Variants in RHD observed in about 807,000 individuals in gnomAD.
RHD encodes Rh blood group D antigen, also known as blood group Rh(D) polypeptide.
RHD carries 16 observed loss-of-function variants against 45.5 expected under a neutral mutation model. That is an observed-to-expected ratio of 0.35 (90% confidence interval 0.24 to 0.53). RHD has a LOEUF of 0.53. Ranked by LOEUF, RHD falls within the 20% of genes least tolerant of loss-of-function variation. The pLI is 0.92. For missense variants in RHD, 306 were observed against 532.0 expected, an observed-to-expected ratio of 0.58 and a Z score of 4.18; for synonymous variants, 131 against 217.5, an observed-to-expected ratio of 0.60 and a Z score of 3.50.
intron 1 of RHD, among the ~76,000 whole-genome samples, chr1:25,278,175 G>T (rs1312053568): frequency 7.7e-6 from 1 of 129,748 alleles, no homozygotes; most frequent in African/African-American, 2.6e-5. Context: ...TAGGAGATAA[G>T]TCAGCTGTAC....
intron 3 of RHD, among the ~76,000 whole-genome samples, chr1:25,300,511 C>A (rs1643301290): frequency 2.1e-5 from 2 of 96,520 alleles, no homozygotes; most frequent in African/African-American, 7.0e-5. Context: ...GACTCTGTCT[C>A]AAAAAAAAAA....
chr1:25,297,563 A>G lies in RHD; in HGVS notation c.487-3383A>G, dbSNP rs1280408594. Reference sequence around the variant, plus strand: ...AATAATTGCCAATGGTGGTTTTCTAATTCCATCTTTCCTTCAGTAGTTGGC... The same window carrying G: ...AATAATTGCCAATGGTGGTTTTCTAGTTCCATCTTTCCTTCAGTAGTTGGC... On this transcript the variant is annotated intron_variant, in intron 3 of 9. Coordinates refer to ENST00000328664, the MANE Select transcript of RHD (RefSeq NM_016124.6). 3.2e-4 allele frequency among the ~76,000 whole-genome samples: 42 copies of G among 130,194 alleles called. 8 individuals are homozygous for G. Among genetic ancestry groups the G allele is most frequent in the African/African-American group, 1.1e-3 (41 of 37,826 alleles). The allele number at this position is 130,194 out of a possible 152,430, so 85.4% of individuals were successfully genotyped here. A position where few individuals can be genotyped will look rare whatever the true frequency, so the allele number is the denominator to read the frequency against.
chr1:25,307,462 G>T (rs1643908868), intron 7 of RHD, among the ~76,000 whole-genome samples: 1 of 132,494 alleles, frequency 7.5e-6, no homozygotes, highest in Non-Finnish European at 1.8e-5. Context: ...TTTTAGAGAT[G>T]AACTGGTAGC....
At chr1:25,318,189 T>C (rs983088989) in intron 8 of RHD, 1 of 126,816 alleles carries the variant, frequency 7.9e-6, no homozygotes, top group Non-Finnish European at 1.9e-5. Context: ...AGGCGTGGTG[T>C]TGGATCCCAG....
At chr1:25,299,190 TG>T (rs1451827668) in intron 3 of RHD, among the ~76,000 whole-genome samples, 1 of 127,016 alleles carries the variant, frequency 7.9e-6, no homozygotes, top group East Asian at 2.0e-4. Flanking sequence ...GAGACCAGGC[TG>T]GGGAACATGG....
In RHD at chr1:25,301,028, C is replaced by G; in HGVS notation, c.569C>G (p.Pro190Arg). 1 of 1,377,628 alleles carries G rather than the reference C, an allele frequency of 7.3e-7. No homozygotes were observed. Among genetic ancestry groups the G allele is most frequent in the Non-Finnish European group, 1.0e-6 (1 of 978,736 alleles). 85.3% of individuals were successfully genotyped at this position (1,377,628 alleles called of 1,614,324 possible). ...TCTGTGGCCTGGTGCCTGCCAAAGC[C>G]TCTACCCGAGGGAACGGAGGATAAA... is the stretch of plus-strand genomic sequence containing the variant. Reference protein sequence around the residue: ...GLSVAWCLPKPLPEGTEDKDQ... With the variant: ...GLSVAWCLPKRLPEGTEDKDQ... Residue 190 changes from proline (P) to arginine (R), a missense_variant, in exon 4 of 10, where the codon CCT (proline) becomes CGT (arginine). Physicochemically the swap from Pro to Arg is moderately radical, Grantham distance 103 (BLOSUM62 -2). Coordinates refer to ENST00000328664, the MANE Select transcript of RHD (RefSeq NM_016124.6).
chr1:25,307,799 G>C (rs1381462667), intron 7 of RHD: 1 of 1,300,266 alleles, frequency 7.7e-7, no homozygotes, highest in Non-Finnish European at 1.1e-6. Context: ...CCAAATTATA[G>C]GGATCACATA....
chr1:25,320,110 C>T (rs1644618769), intron 8 of RHD, among the ~76,000 whole-genome samples: 1 of 131,246 alleles, frequency 7.6e-6, no homozygotes, highest in African/African-American at 2.6e-5. Flanking sequence ...GTTGGTCATG[C>T]TGGTCTCGAA....
rs554168517 is a variant in RHD at position 25,287,369 on chromosome 1, G to C, written c.335+2610G>C. Among the ~76,000 whole-genome samples the C allele has an allele frequency of 1.5e-5, 2 of 135,364 alleles. 1 individual carries two copies. The highest frequency in any genetic ancestry group is 5.1e-5 in the African/African-American group (2 of 39,238). The allele number at this position is 135,364 out of a possible 152,430, so 88.8% of individuals were successfully genotyped here. ...TTGACTCAATCTAGAAAGACGAGAA[G>C]GGAGAGAAGTCACTCGCAGCCTGAG... On this transcript the variant is annotated intron_variant, in intron 2 of 9. Coordinates refer to ENST00000328664, the MANE Select transcript of RHD (RefSeq NM_016124.6).
rs2124121031 is a variant in RHD at position 25,318,963 on chromosome 1, A to C, written c.1153+1884A>C. Among the ~76,000 whole-genome samples, 2 of 133,272 alleles carry C rather than the reference A, an allele frequency of 1.5e-5. 1 individual carries two copies. The highest frequency in any genetic ancestry group is 5.1e-5 in the African/African-American group (2 of 39,188). 87.4% of individuals were successfully genotyped at this position (133,272 alleles called of 152,430 possible). On this transcript the variant is annotated intron_variant, in intron 8 of 9. Coordinates refer to ENST00000328664, the MANE Select transcript of RHD (RefSeq NM_016124.6). ...TTGCAGAGTCTTTGTGAAGAAGCAG[A>C]GGCGGAGTAGCGTTAATTCCGTAAG...
At chr1:25,284,857 T>C in intron 2 of RHD, 98 bp downstream of exon 2, 12 of 1,177,826 alleles carry the variant, frequency 1.0e-5, no homozygotes, top group Non-Finnish European at 1.5e-5. Context: ...CCTCTCTGTC[T>C]AGCACCAGTG....
chr1:25,303,965 TG>T (rs1183751760), intron 6 of RHD, among the ~76,000 whole-genome samples: 1 of 87,860 alleles, frequency 1.1e-5, no homozygotes, highest in African/African-American at 3.8e-5. Context: ...TGTCTTCAGC[TG>T]GGGGTGGGCA....
chr1:25,290,504 T>C, intron 2 of RHD, 137 bp from the exon 3 acceptor site: 1 of 813,100 alleles, frequency 1.2e-6, no homozygotes, highest in Non-Finnish European at 2.0e-6. Context: ...TGGGTAGAAA[T>C]CTTGTCTTCT....
At chr1:25,321,498 TAAAAAAA>T (rs1214598540) in intron 8 of RHD, among the ~76,000 whole-genome samples, 1 of 76,328 alleles carries the variant, frequency 1.3e-5, no homozygotes, top group Admixed American at 1.4e-4. Flanking sequence ...CCATCTCTAC[TAAAAAAA>T]AAAAAAAAAA....
rs377224052 is a variant in RHD, at chr1:25,291,161, TAGACAGACAGAC to T, written c.486+385_486+396del. On this transcript the variant is annotated intron_variant, in intron 3 of 9. Coordinates refer to ENST00000328664, the MANE Select transcript of RHD (RefSeq NM_016124.6). The stretch of plus-strand genomic sequence containing the variant: ...GTAGGTGGATAGACAGATAGATAGA[TAGACAGACAGAC>T]AGACAGACAGACAGGCTGGGTACAG... 8.9e-5 allele frequency among the ~76,000 whole-genome samples: 11 copies of T among 124,022 alleles called. 1 individual carries two copies. The highest frequency in any genetic ancestry group is 1.5e-4 in the Non-Finnish European group (8 of 54,056). The allele number at this position is 124,022 out of a possible 152,430, so 81.4% of individuals were successfully genotyped here. A position where few individuals can be genotyped will look rare whatever the true frequency, so the allele number is the denominator to read the frequency against.
chr1:25,279,823 T>C lies in RHD; in HGVS notation c.149-4750T>C, dbSNP rs599697. On this transcript the variant is annotated intron_variant, in intron 1 of 9. Transcript: ENST00000328664. The stretch of plus-strand genomic sequence containing the variant: ...GTAGAATGTACAATTCCCCTCTGGG[T>C]CCAGGCATGGGCGCCCGGGTAGCAC... Among the ~76,000 whole-genome samples, 23 of 130,614 alleles carry C rather than the reference T, an allele frequency of 1.8e-4. 2 individuals are homozygous for C. The highest frequency in any genetic ancestry group is 4.7e-4 in the South Asian group (2 of 4,300). 85.7% of individuals were successfully genotyped at this position (130,614 alleles called of 152,430 possible). A position where few individuals can be genotyped will look rare whatever the true frequency, so the allele number is the denominator to read the frequency against.
At chr1:25,305,152 A>G (rs1370513719) in intron 6 of RHD, among the ~76,000 whole-genome samples, 2 of 131,474 alleles carry the variant, frequency 1.5e-5, no homozygotes, top group Non-Finnish European at 3.6e-5. Context: ...TTGACAGCCA[A>G]GTGTTGACAG....
intron 1 of RHD, among the ~76,000 whole-genome samples, chr1:25,284,141 G>GCTTC (rs1641745808): frequency 7.3e-6 from 1 of 136,084 alleles, no homozygotes; most frequent in African/African-American, 2.5e-5. Context: ...AAGTCACTTG[G>GCTTC]CTTCTGTGGC....
rs1179972707 is a variant in RHD at position 25,298,689 on chromosome 1, A to G, written c.487-2257A>G. Among the ~76,000 whole-genome samples the G allele has an allele frequency of 3.0e-5, 4 of 131,526 alleles. 1 individual carries two copies. In the South Asian group the frequency reaches 6.9e-4, roughly 23 times the overall value. 86.3% of individuals were successfully genotyped at this position (131,526 alleles called of 152,430 possible). The stretch of plus-strand genomic sequence containing the variant: ...TTTACCATCATTTGTTCCCTTCACA[A>G]ATATTTATTTGGTATTTACTATATA... On this transcript the variant is annotated intron_variant, in intron 3 of 9. Transcript: ENST00000328664.
Sources: allele counts gnomAD v4.1 joint callset (sites outside exome capture counted in the v4.1 genomes callset), GRCh38; gene constraint gnomAD v4.1.1; transcripts MANE v1.5; gene names NCBI Gene and HGNC (gene_info 2026-07-23, HGNC 2026-07-21).